DHDDS: variants seen among roughly 807,000 people sequenced by gnomAD.
DHDDS encodes dehydrodolichyl diphosphate synthase complex subunit DHDDS.
DHDDS carries 16 observed loss-of-function variants against 46.2 expected under a neutral mutation model. The ratio of observed to expected loss-of-function variants is 0.35; its 90% CI spans 0.23 to 0.53. The LOEUF is 0.53. Among genes scored for constraint, DHDDS ranks in the 20% least tolerant of loss-of-function variants. DHDDS has a pLI of 0.94. For synonymous variants in DHDDS, 151 were observed against 163.1 expected (o/e 0.93, Z 0.56); for missense variants, 340 against 423.7 (o/e 0.80, Z 1.73).
intron 2 of DHDDS, 184 bp downstream of exon 2, chr1:26,433,192 ACT>A (rs1428247007): frequency 1.0e-5 from 7 of 674,982 alleles, no homozygotes; most frequent in Non-Finnish European, 1.5e-5. Flanking sequence ...TTTTGTCCTA[ACT>A]CTGATATTTT....
intron 6 of DHDDS, among the ~76,000 whole-genome samples, chr1:26,454,372 C>T (rs2075350681): frequency 6.6e-6 from 1 of 152,182 alleles, no homozygotes; most frequent in Non-Finnish European, 1.5e-5. Context: ...TGCATACCTA[C>T]TGCCTAAAGT....
chr1:26,433,378 G>A (rs957008473), intron 2 of DHDDS, among the ~76,000 whole-genome samples: 2 of 151,996 alleles, frequency 1.3e-5, no homozygotes, highest in African/African-American at 2.4e-5. Context: ...AGCTGGGCCC[G>A]GTCACTCACG....
Position 26,470,171 on chromosome 1 carries a change from G to A in DHDDS, c.*1040G>A, listed in dbSNP as rs1300065883. ...CCTTTCCCTTACCTCCCTCTGCCAGGACTTGCTGCAGAGCTGCTGAGAGGA... is the reference window on the plus strand; with the variant it reads ...CCTTTCCCTTACCTCCCTCTGCCAGAACTTGCTGCAGAGCTGCTGAGAGGA... On this transcript the variant is annotated 3_prime_UTR_variant, in exon 9 of 9. Coordinates refer to ENST00000236342, the MANE Select transcript of DHDDS (RefSeq NM_205861.3). 2.0e-5 allele frequency: 3 copies of A among 152,228 alleles called. No homozygotes were observed. The highest frequency in any genetic ancestry group is 6.5e-5 in the Admixed American group (1 of 15,278). 9.4% of individuals were successfully genotyped at this position (152,228 alleles called of 1,614,324 possible).
intron 8 of DHDDS, among the ~76,000 whole-genome samples, chr1:26,465,795 T>A (rs983138207): frequency 1.1e-4 from 16 of 152,154 alleles, no homozygotes; most frequent in African/African-American, 3.6e-4. Context: ...GCAAGGAGAC[T>A]CTGAGGGTGC....
intron 1 of DHDDS, 130 bp from the exon 2 acceptor site, chr1:26,432,761 T>G (rs2075116720): frequency 3.1e-6 from 2 of 639,302 alleles, no homozygotes; most frequent in Admixed American, 5.3e-5. Context: ...GGTAAAAGAT[T>G]ATAGGCTTAG....
In DHDDS at chr1:26,469,030, A is replaced by G; in HGVS notation, c.901A>G (p.Lys301Glu). 1 of 1,614,096 alleles carries G rather than the reference A, an allele frequency of 6.2e-7. No individual in the cohort carries two copies. Among genetic ancestry groups the G allele is most frequent in the Non-Finnish European group, 8.5e-7 (1 of 1,180,040 alleles). The change falls in exon 9 of 9, where the codon AAA becomes GAA. Residue 301 changes from lysine to glutamate, a missense_variant. By Grantham distance (56) the Lys-to-Glu change is moderately conservative (BLOSUM62 1). Transcript: ENST00000236342. ...DAQLRRTRLH[K>E]LSARREERVQ... The stretch of plus-strand genomic sequence containing the variant: ...CCAGCTCCGAAGGACACGCTTGCAC[A>G]AACTCTCGGCCAGACGGGAAGAGCG...
chr1:26,456,169 A>T (rs746734179), intron 6 of DHDDS, among the ~76,000 whole-genome samples: 3 of 152,164 alleles, frequency 2.0e-5, no homozygotes, highest in Non-Finnish European at 4.4e-5. Context: ...TGTAATGTGG[A>T]ATTTTTGCAA....
chr1:26,462,718 G>A (rs2075437080), intron 8 of DHDDS: 1 of 152,120 alleles, frequency 6.6e-6, no homozygotes, highest in Non-Finnish European at 1.5e-5. Flanking sequence ...ACGTTTCTCA[G>A]ATACTTTGCA....
Position 26,432,985 on chromosome 1 carries a change from C to T in DHDDS, c.40C>T (p.Arg14Trp). ...GGAAGGAGAGCTGTCACTTTGGGAG[C>T]GGTTCTGTGCCAACATCATAAAGGT... ...IKEGELSLWE[R>W]FCANIIKAGP... The change falls in exon 2 of 9, where the codon CGG becomes TGG. Residue 14 changes from arginine (R) to tryptophan (W), a missense_variant. By Grantham distance (101) the Arg-to-Trp change is moderately radical. This residue lies in a region of DHDDS where 72 missense variants were observed against 123.5 expected (regional missense o/e 0.58). Transcript: ENST00000236342. 2.5e-6 allele frequency: 4 copies of T among 1,614,180 alleles called. No individual in the cohort carries two copies. Among genetic ancestry groups the T allele is most frequent in the Non-Finnish European group, 3.4e-6 (4 of 1,180,038 alleles).
intron 2 of DHDDS, among the ~76,000 whole-genome samples, chr1:26,437,501 C>T (rs543323088): frequency 2.0e-3 from 296 of 150,094 alleles, no homozygotes; most frequent in African/African-American, 6.8e-3. Context: ...GACAGAGTCT[C>T]GCTGTGTCAC....
At chr1:26,439,893 C>T (rs567002130) in intron 3 of DHDDS, among the ~76,000 whole-genome samples, 1 of 152,346 alleles carries the variant, frequency 6.6e-6, no homozygotes, top group African/African-American at 2.4e-5. Flanking sequence ...GTAATCCCAG[C>T]ACTTTGGGAG....
chr1:26,444,620 C>A (rs2075250865), intron 4 of DHDDS, among the ~76,000 whole-genome samples: 1 of 152,102 alleles, frequency 6.6e-6, no homozygotes, highest in South Asian at 2.1e-4. Flanking sequence ...GTGGCACATG[C>A]CTATAATCCC....
chr1:26,452,956 G>T (rs1359736110), intron 6 of DHDDS, among the ~76,000 whole-genome samples: 1 of 151,958 alleles, frequency 6.6e-6, no homozygotes, highest in Non-Finnish European at 1.5e-5. Flanking sequence ...CAGTTAGCTG[G>T]GTGTGCTGGC....
chr1:26,449,662 G>A (rs1247863893), intron 6 of DHDDS, among the ~76,000 whole-genome samples: 1 of 151,996 alleles, frequency 6.6e-6, no homozygotes. Flanking sequence ...GGGCTCAAGC[G>A]ATTCTTCTGC....
At chr1:26,449,476 C>T (rs540228499) in intron 6 of DHDDS, among the ~76,000 whole-genome samples, 3 of 151,930 alleles carry the variant, frequency 2.0e-5, no homozygotes, top group East Asian at 3.9e-4. Context: ...TCTCGGCCCA[C>T]TGTAGTCTGT....
At position 26,456,631 on chromosome 1, in the gene DHDDS, G is replaced by C. The variant is rs371583402; in HGVS notation, c.543-1160G>C. Among the ~76,000 whole-genome samples, 57 of 152,348 alleles carry C rather than the reference G, an allele frequency of 3.7e-4. No homozygotes were observed. In the Middle Eastern group the frequency reaches 0.01, roughly 27 times the overall value. ...TGGTCTCAAACTCCTGATCGCAGGT[G>C]ATCTGCCTGCCTCAGCCTCCCAAAG... On this transcript the variant is annotated intron_variant, in intron 6 of 8. Transcript: ENST00000236342.
intron 2 of DHDDS, 128 bp from the exon 3 acceptor site, chr1:26,438,040 C>T: frequency 1.1e-6 from 1 of 927,550 alleles, no homozygotes; most frequent in Non-Finnish European, 1.8e-6. Context: ...GTTAAAAGCA[C>T]AAAGTACCCA....
rs61691611 is a variant in DHDDS, at chr1:26,446,703, TGTGTGG to T, written c.440+277_440+282del. ...CACCAAATAAGTGTGTGTGTGTGTG[TGTGTGG>T]GTGTGTTTTTACTTGACAGGGAATG... On this transcript the variant is annotated intron_variant, in intron 5 of 8. Coordinates refer to ENST00000236342, the MANE Select transcript of DHDDS (RefSeq NM_205861.3). Among the ~76,000 whole-genome samples the T allele has an allele frequency of 5.1e-3, 775 of 152,188 alleles. 5 individuals are homozygous for T. The highest frequency in any genetic ancestry group is 0.018 in the African/African-American group (728 of 41,502).
At chr1:26,447,277 G>A (rs1429860238) in intron 5 of DHDDS, among the ~76,000 whole-genome samples, 1 of 151,976 alleles carries the variant, frequency 6.6e-6, no homozygotes, top group African/African-American at 2.4e-5. Flanking sequence ...TCGAGATCAC[G>A]CCATTGCACT....
Sources: gnomAD v4.1 joint callset for allele counts (sites outside exome capture counted in the v4.1 genomes callset) on GRCh38, gnomAD v4.1.1 for gene constraint, gnomAD v4.1.1 regional missense constraint, MANE v1.5 for transcripts, NCBI Gene and HGNC (gene_info 2026-07-23, HGNC 2026-07-21) for gene names.